SMARCA4: variants seen among roughly 807,000 people sequenced by gnomAD.
The protein encoded by SMARCA4 is SWI/SNF-related matrix-associated actin-dependent regulator of chromatin subfamily A member 4.
SMARCA4 carries 31 observed loss-of-function variants against 193.9 expected under a neutral mutation model. The ratio of observed to expected loss-of-function variants is 0.16; its 90% CI spans 0.12 to 0.22. The LOEUF (loss-of-function observed/expected upper bound fraction) is 0.22. Among genes scored for constraint, SMARCA4 ranks in the 10% least tolerant of loss-of-function variants. The pLI, the probability that SMARCA4 is intolerant of heterozygous loss-of-function variation, is 1.00. For missense variants in SMARCA4, 1,148 were observed against 2,296.0 expected, an observed-to-expected ratio of 0.50 and a Z score of 10.22; for synonymous variants, 942 against 933.1, an observed-to-expected ratio of 1.01 and a Z score of -0.17.
chr19:11,042,803 A>G (rs960918105), intron 30 of SMARCA4, among the ~76,000 whole-genome samples: 2 of 152,074 alleles, frequency 1.3e-5, no homozygotes, highest in Non-Finnish European at 2.9e-5. Context: ...CATGGACAAC[A>G]TGGTGAAAAC....
chr19:10,976,618 A>G (rs1248429177), intron 1 of SMARCA4, among the ~76,000 whole-genome samples: 1 of 151,124 alleles, frequency 6.6e-6, no homozygotes, highest in Non-Finnish European at 1.5e-5. Context: ...TTAGCTGGGC[A>G]TAGTGGCATG....
chr19:10,977,111 C>A (rs900317240), intron 1 of SMARCA4, among the ~76,000 whole-genome samples: 1 of 152,146 alleles, frequency 6.6e-6, no homozygotes, highest in Non-Finnish European at 1.5e-5. Context: ...CCGGCCAAAT[C>A]TGTGTGCATT....
chr19:11,058,231 A>G lies in SMARCA4; in HGVS notation c.4425-24A>G, dbSNP rs2147083551. On this transcript the variant is annotated intron_variant, in intron 30 of 34. Coordinates refer to ENST00000344626, the MANE Select transcript of SMARCA4 (RefSeq NM_003072.5). This position sits in a 1 kb window ranked among gnomAD's most constrained non-coding sequence, Gnocchi z 5.8. ...TCCCGGGTGGGCGGACTCGGGGGTG[A>G]TAGCCGCCGGTTCTGCCTTGCAGCA... 8 of 1,573,444 alleles carry G rather than the reference A, an allele frequency of 5.1e-6. No individual in the cohort carries two copies. Among genetic ancestry groups the G allele is most frequent in the Non-Finnish European group, 7.0e-6 (8 of 1,147,834 alleles).
At position 10,985,964 on chromosome 19, in the gene SMARCA4, A is replaced by G. The variant is rs533648122; in HGVS notation, c.356-225A>G. Reference sequence around the variant, plus strand: ...TTTCATGCACAGGTTCTCAGCATTAACCAGAAGCACCTTACTGAGACGTGG... The same window carrying G: ...TTTCATGCACAGGTTCTCAGCATTAGCCAGAAGCACCTTACTGAGACGTGG... On this transcript the variant is annotated intron_variant, in intron 3 of 34. Transcript: ENST00000344626. This position sits in a 1 kb window ranked among gnomAD's most constrained non-coding sequence, Gnocchi z 4.5. 2.0e-5 allele frequency among the ~76,000 whole-genome samples: 3 copies of G among 152,194 alleles called. No homozygotes were observed. In the South Asian group the frequency reaches 6.2e-4, roughly 32 times the overall value.
chr19:11,037,677 G>A (rs544057217), intron 29 of SMARCA4, among the ~76,000 whole-genome samples: 1 of 152,268 alleles, frequency 6.6e-6, no homozygotes, highest in South Asian at 2.1e-4. Flanking sequence ...GTGCCTTGGT[G>A]TTGTATCTGA....
chr19:11,052,835 C>A (rs1683349518), intron 30 of SMARCA4, among the ~76,000 whole-genome samples: 1 of 152,204 alleles, frequency 6.6e-6, no homozygotes, highest in African/African-American at 2.4e-5. Context: ...CTTTCCTTTT[C>A]ATCTTCCCCT....
intron 14 of SMARCA4, 52 bp from the exon 15 acceptor site, chr19:11,010,329 T>G: frequency 2.5e-6 from 4 of 1,601,700 alleles, no homozygotes; most frequent in Non-Finnish European, 2.6e-6. Context: ...GCCAGCACAT[T>G]GTCACAGATA....
chr19:11,054,057 T>G (rs767315747), intron 30 of SMARCA4, among the ~76,000 whole-genome samples: 26 of 152,190 alleles, frequency 1.7e-4, no homozygotes, highest in Non-Finnish European at 3.4e-4. Context: ...GTGCTTGGCT[T>G]CTCTGCACAA....
intron 1 of SMARCA4, among the ~76,000 whole-genome samples, chr19:10,973,584 T>TTTTTTTG (rs2084857897): frequency 1.3e-5 from 2 of 148,468 alleles, no homozygotes; most frequent in Non-Finnish European, 3.0e-5. Flanking sequence ...TTTTTTTTTT[T>TTTTTTTG]TTTGAGACAG....
intron 19 of SMARCA4, among the ~76,000 whole-genome samples, chr19:11,022,684 T>C (rs1409485029): frequency 2.0e-5 from 3 of 152,308 alleles, no homozygotes; most frequent in Admixed American, 1.3e-4. Flanking sequence ...CTTCCCACCT[T>C]AGACAGGTCC....
rs933992729 is a variant in SMARCA4 at position 10,984,779 on chromosome 19, C to A, written c.222+406C>A. On this transcript the variant is annotated intron_variant, in intron 2 of 34. Coordinates refer to ENST00000344626, the MANE Select transcript of SMARCA4 (RefSeq NM_003072.5). This position sits in a 1 kb window ranked among gnomAD's most constrained non-coding sequence, Gnocchi z 4.3. ...CTCGCAGAGCCGAGCAGCGGGTTCC[C>A]TTTCCTCCAAGGCGTGCCCCTCAGC... 6.6e-6 allele frequency among the ~76,000 whole-genome samples: 1 copy of A among 152,258 alleles called. No individual in the cohort carries two copies. Among genetic ancestry groups the A allele is most frequent in the Admixed American group, 6.5e-5 (1 of 15,290 alleles).
intron 1 of SMARCA4, among the ~76,000 whole-genome samples, chr19:10,963,858 G>T (rs972134451): frequency 6.6e-6 from 1 of 151,932 alleles, no homozygotes; most frequent in South Asian, 2.1e-4. Context: ...AGAGGCTGGG[G>T]CAGGAGGTAC....
chr19:11,023,919 C>T (rs1203578083), intron 20 of SMARCA4, among the ~76,000 whole-genome samples: 2 of 152,230 alleles, frequency 1.3e-5, no homozygotes, highest in African/African-American at 2.4e-5. Context: ...CAGGAGGGGC[C>T]GTGGGCTTGG....
chr19:11,008,289 C>T, intron 14 of SMARCA4: 1 of 410,944 alleles, frequency 2.4e-6, no homozygotes, highest in Non-Finnish European at 4.7e-6. Flanking sequence ...CCGTTCTCTG[C>T]TCCCCGGCTC....
rs777488908 is a variant in SMARCA4, at chr19:11,058,411, CT to C, written c.4533+49del. The C allele has an allele frequency of 8.8e-5, 116 of 1,322,930 alleles. No individual in the cohort carries two copies. Among genetic ancestry groups the C allele is most frequent in the Admixed American group, 1.7e-4 (10 of 58,666 alleles). The allele number at this position is 1,322,930 out of a possible 1,614,324, so 81.9% of individuals were successfully genotyped here. On this transcript the variant is annotated intron_variant, in intron 31 of 34. Coordinates refer to ENST00000344626, the MANE Select transcript of SMARCA4 (RefSeq NM_003072.5). This position sits in a 1 kb window ranked among gnomAD's most constrained non-coding sequence, Gnocchi z 5.8. ...GCCCCGCATGTGCCCGGAGGGGAGT[CT>C]GACCCAGGGGCACCCCCATCTGAGA...
At chr19:10,962,200 G>A (rs912186516) in intron 1 of SMARCA4, among the ~76,000 whole-genome samples, 1 of 152,124 alleles carries the variant, frequency 6.6e-6, no homozygotes, top group East Asian at 1.9e-4. Context: ...GCTCCTTTGT[G>A]AAAGGGGGTA....
intron 30 of SMARCA4, among the ~76,000 whole-genome samples, chr19:11,055,198 T>G (rs1600597387): frequency 6.6e-6 from 1 of 152,210 alleles, no homozygotes; most frequent in Non-Finnish European, 1.5e-5. Context: ...TTTGTTTTTG[T>G]TTGTTTTTTG....
chr19:11,012,604 T>C (rs2088957006), intron 15 of SMARCA4: 2 of 361,802 alleles, frequency 5.5e-6, no homozygotes, highest in Non-Finnish European at 1.1e-5. Flanking sequence ...TGAGTGCAAG[T>C]GTCCCGTGGT....
At chr19:10,968,097 C>T (rs927246923) in intron 1 of SMARCA4, among the ~76,000 whole-genome samples, 10 of 149,552 alleles carry the variant, frequency 6.7e-5, no homozygotes, top group East Asian at 2.0e-4. Flanking sequence ...ATGATCCGCC[C>T]GCCTCAGCCT....
Sources: gnomAD v4.1 joint callset for allele counts (sites outside exome capture counted in the v4.1 genomes callset) on GRCh38, gnomAD v4.1.1 for gene constraint, Gnocchi (gnomAD v3.1) non-coding constraint, MANE v1.5 for transcripts, NCBI Gene and HGNC (gene_info 2026-07-23, HGNC 2026-07-21) for gene names.